ATP2C2: variants seen among roughly 807,000 people sequenced by gnomAD.
ATP2C2 encodes the protein calcium-transporting ATPase type 2C member 2.
A neutral mutation model predicts 110.8 loss-of-function variants in ATP2C2; 171 were observed. The ratio of observed to expected loss-of-function variants is 1.54; its 90% CI spans 1.36 to 1.75. The LOEUF is 1.75. ATP2C2 is among the 40% of genes most tolerant of loss of function. The pLI, the probability that ATP2C2 is intolerant of heterozygous loss-of-function variation, is 0.00. For synonymous variants in ATP2C2, 804 were observed against 508.4 expected, an observed-to-expected ratio of 1.58 and a Z score of -7.82; for missense variants, 1,963 against 1,235.0, an observed-to-expected ratio of 1.59 and a Z score of -8.84.
At chr16:84,409,955 A>G (rs371148186) in intron 4 of ATP2C2, among the ~76,000 whole-genome samples, 2 of 152,106 alleles carry the variant, frequency 1.3e-5, no homozygotes, top group South Asian at 4.2e-4. Flanking sequence ...CATGCCTGTA[A>G]TCCCAGCACT....
intron 7 of ATP2C2, among the ~76,000 whole-genome samples, chr16:84,417,302 A>T (rs1212982853): frequency 6.6e-6 from 1 of 152,134 alleles, no homozygotes; most frequent in Non-Finnish European, 1.5e-5. Flanking sequence ...CAGGCCCCAT[A>T]GCTCCTAGGG....
chr16:84,448,728 C>T (rs374340553), intron 17 of ATP2C2, 39 bp downstream of exon 17: 30 of 1,579,188 alleles, frequency 1.9e-5, no homozygotes, highest in Non-Finnish European at 6.9e-6. Flanking sequence ...TTTAAGCTTG[C>T]ATGTAACATT....
chr16:84,410,829 G>T, intron 6 of ATP2C2, 64 bp downstream of exon 6: 1 of 1,489,442 alleles, frequency 6.7e-7, no homozygotes. Flanking sequence ...GGAGAGTTTG[G>T]CAAATGTTTG....
chr16:84,412,365 T>TGTGTGC (rs963150396), intron 6 of ATP2C2, among the ~76,000 whole-genome samples: 5 of 96,756 alleles, frequency 5.2e-5, no homozygotes, highest in Admixed American at 9.9e-5. Flanking sequence ...CGTGTGTGCA[T>TGTGTGC]GTGTGTGTGC....
intron 1 of ATP2C2, among the ~76,000 whole-genome samples, chr16:84,381,026 G>C (rs1023820485): frequency 3.3e-5 from 5 of 152,180 alleles, no homozygotes; most frequent in Non-Finnish European, 5.9e-5. Context: ...CGTGTGAAGA[G>C]ACCACCAAAC....
Position 84,459,239 on chromosome 16 carries a change from C to T in ATP2C2, c.2217-31C>T, listed in dbSNP as rs200539462. 300 of 1,613,938 alleles carry T rather than the reference C, an allele frequency of 1.9e-4. 1 individual carries two copies. In the African/African-American group the frequency reaches 3.2e-3, roughly 17 times the overall value. On this transcript the variant is annotated intron_variant, in intron 22 of 26. Coordinates refer to ENST00000262429, the MANE Select transcript of ATP2C2 (RefSeq NM_014861.4). Reference sequence around the variant, plus strand: ...GTCATTAAGCACCACGCCTGGCGGGCGGCCGCTGACTGGCTGCGTGTGCCC... The same window carrying T: ...GTCATTAAGCACCACGCCTGGCGGGTGGCCGCTGACTGGCTGCGTGTGCCC...
intron 6 of ATP2C2, among the ~76,000 whole-genome samples, chr16:84,414,801 C>T (rs1176408762): frequency 6.6e-6 from 1 of 152,038 alleles, no homozygotes; most frequent in African/African-American, 2.4e-5. Context: ...GCTGGCTGGC[C>T]GTGGAGGAGA....
chr16:84,446,259 A>G, intron 15 of ATP2C2, 70 bp from the exon 16 acceptor site: 1 of 867,124 alleles, frequency 1.2e-6, no homozygotes. Context: ...GAATAATTTA[A>G]ATGGACTGAG....
intron 1 of ATP2C2, among the ~76,000 whole-genome samples, chr16:84,397,614 C>T (rs1031534584): frequency 4.6e-5 from 6 of 129,444 alleles, no homozygotes; most frequent in African/African-American, 1.7e-4. Context: ...GTTGAGGCTG[C>T]AGTGAGCTAT....
chr16:84,440,951 T>C lies in ATP2C2; in HGVS notation c.1304T>C (p.Leu435Ser). The C allele has an allele frequency of 6.2e-7, 1 of 1,610,564 alleles. No individual in the cohort carries two copies. Among genetic ancestry groups the C allele is most frequent in the Non-Finnish European group, 8.5e-7 (1 of 1,177,958 alleles). The change falls in exon 14 of 27, where the codon TTA becomes TCA. Residue 435 changes from leucine to serine, a missense_variant. Leu to Ser is a moderately radical substitution (Grantham distance 145). Transcript: ENST00000262429. Reference sequence around the variant, plus strand: ...TTTTCCAATGTCTCAGTGGGAAAGTTAGTGGAGGTAGGTGTCAAAAGCGCC... The same window carrying C: ...TTTTCCAATGTCTCAGTGGGAAAGTCAGTGGAGGTAGGTGTCAAAAGCGCC... ...KEFSNVSVGK[L>S]VEAGCVANNA...
chr16:84,463,302 G>A (rs1911579741), intron 26 of ATP2C2, among the ~76,000 whole-genome samples: 1 of 152,134 alleles, frequency 6.6e-6, no homozygotes, highest in African/African-American at 2.4e-5. Context: ...GCAGGGCACT[G>A]GGACAGCTGC....
intron 17 of ATP2C2, among the ~76,000 whole-genome samples, chr16:84,450,225 G>C (rs983019208): frequency 6.6e-6 from 1 of 152,200 alleles, no homozygotes; most frequent in Non-Finnish European, 1.5e-5. Flanking sequence ...CTACAACCTG[G>C]GAACTGGCCT....
intron 6 of ATP2C2, among the ~76,000 whole-genome samples, chr16:84,413,871 C>A (rs976437817): frequency 1.3e-5 from 2 of 152,130 alleles, no homozygotes; most frequent in African/African-American, 2.4e-5. Flanking sequence ...GGAGAAAGGG[C>A]ACTGAGGTTA....
At chr16:84,416,173 C>T (rs958676272) in intron 7 of ATP2C2, among the ~76,000 whole-genome samples, 1 of 152,250 alleles carries the variant, frequency 6.6e-6, no homozygotes, top group East Asian at 1.9e-4. Context: ...GAAGCACACG[C>T]TTTTAGAGTA....
rs1910459394 is a variant in ATP2C2, at chr16:84,453,186, A to C, written c.1880A>C (p.Glu627Ala). 6.2e-7 allele frequency: 1 copy of C among 1,613,750 alleles called. No individual in the cohort carries two copies. Among genetic ancestry groups the C allele is most frequent in the East Asian group, 2.2e-5 (1 of 44,884 alleles). ...CNGKLQAMSG[E>A]EVDSVEKGEL... ...GGGAAGCTGCAAGCCATGTCCGGGG[A>C]GGAGGTGGACAGCGTGGAGAAGGGC... The change falls in exon 19 of 27, where the codon GAG (glutamate) becomes GCG (alanine). Residue 627 changes from glutamate to alanine, a missense_variant. By Grantham distance (107) the Glu-to-Ala change is moderately radical. Coordinates refer to ENST00000262429, the MANE Select transcript of ATP2C2 (RefSeq NM_014861.4).
At chr16:84,428,639 A>G (rs1013278717) in intron 11 of ATP2C2, among the ~76,000 whole-genome samples, 1 of 152,236 alleles carries the variant, frequency 6.6e-6, no homozygotes, top group African/African-American at 2.4e-5. Context: ...TACAAATGAC[A>G]GACACTTGGA....
chr16:84,451,784 G>C (rs1910288883), intron 17 of ATP2C2, 137 bp from the exon 18 acceptor site: 2 of 860,920 alleles, frequency 2.3e-6, no homozygotes, highest in Middle Eastern at 3.7e-4. Flanking sequence ...GCTGCAGTGA[G>C]CCAACATTAC....
intron 11 of ATP2C2, among the ~76,000 whole-genome samples, chr16:84,427,834 C>A (rs2435177): frequency 6.6e-6 from 1 of 152,108 alleles, no homozygotes; most frequent in African/African-American, 2.4e-5. Flanking sequence ...GGGTTTCCTT[C>A]GGGGGTGAAG....
In ATP2C2 at chr16:84,378,846, C is replaced by T. The variant is rs150735866; in HGVS notation, c.99+10132C>T. On this transcript the variant is annotated intron_variant, in intron 1 of 26. Transcript: ENST00000262429. Reference sequence around the variant, plus strand: ...ACGAAGCCATGAACGTGGAGCCGGGCCTGGTGGGCTCACCGTCGCGAGGTC... The same window carrying T: ...ACGAAGCCATGAACGTGGAGCCGGGTCTGGTGGGCTCACCGTCGCGAGGTC... Among the ~76,000 whole-genome samples the T allele has an allele frequency of 6.6e-3, 1,013 of 152,364 alleles. 6 individuals are homozygous for T. Among genetic ancestry groups the T allele is most frequent in the Non-Finnish European group, 9.8e-3 (670 of 68,032 alleles).
Sources: gnomAD v4.1 joint callset for allele counts (sites outside exome capture counted in the v4.1 genomes callset) on GRCh38, gnomAD v4.1.1 for gene constraint, MANE v1.5 for transcripts, NCBI Gene and HGNC (gene_info 2026-07-23, HGNC 2026-07-21) for gene names.